ADTRP: variants seen among roughly 807,000 people sequenced by gnomAD.
ADTRP encodes the protein androgen-dependent TFPI-regulating protein.
Under a neutral mutation model 27.0 loss-of-function variants are expected in ADTRP, and 20 were observed. That is an observed-to-expected ratio of 0.74 (90% CI 0.52 to 1.08). The LOEUF (loss-of-function observed/expected upper bound fraction) is 1.08. Among genes scored for constraint, ADTRP ranks in the 50% least tolerant of loss-of-function variants. The probability of loss-of-function intolerance (pLI) is 0.00; values close to 1 mark genes in which losing one functional copy is unlikely to be tolerated. For missense variants in ADTRP, 251 were observed against 275.0 expected, an observed-to-expected ratio of 0.91 and a Z score of 0.62; for synonymous variants, 101 against 105.2, an observed-to-expected ratio of 0.96 and a Z score of 0.25.
Position 11,766,392 on chromosome 6 carries a change from A to G in ADTRP, c.289-17T>C, listed in dbSNP as rs139192485. ...AAATACAAACTGGAAAATAAAACACAAAAAATAGCATCATTAGGCTTGTTT... is the reference window on the plus strand; with the variant it reads ...AAATACAAACTGGAAAATAAAACACGAAAAATAGCATCATTAGGCTTGTTT... On this transcript the variant is annotated splice_polypyrimidine_tract_variant and intron_variant, in intron 2 of 5. Coordinates refer to ENST00000414691, the MANE Select transcript of ADTRP (RefSeq NM_032744.4). 116 of 1,571,370 alleles carry G rather than the reference A, an allele frequency of 7.4e-5. 1 individual carries two copies. In the East Asian group the frequency reaches 2.5e-3, roughly 34 times the overall value.
intron 5 of ADTRP, 119 bp from the exon 6 acceptor site, chr6:11,714,631 A>C: frequency 8.7e-7 from 1 of 1,152,562 alleles, no homozygotes; most frequent in Non-Finnish European, 1.2e-6. Flanking sequence ...CACTTTTCCC[A>C]AGGTGACAAG....
Position 11,714,614 on chromosome 6 carries a change from TTGAACACACTTTTCCCAAG to T in ADTRP, c.659-121_659-103del, listed in dbSNP as rs1368676043. The T allele has an allele frequency of 3.3e-5, 44 of 1,322,342 alleles. 1 individual carries two copies. The Admixed American group carries it at 8.0e-4, about 24-fold the overall frequency. 81.9% of individuals were successfully genotyped at this position (1,322,342 alleles called of 1,614,324 possible). ...CACTCTGACTTGGGGCAGTGGAAAGTTGAACACACTTTTCCCAAGGTGACAAGATGCAGTTTAAGGAGTT... is the reference window on the plus strand; with the variant it reads ...CACTCTGACTTGGGGCAGTGGAAAGTGTGACAAGATGCAGTTTAAGGAGTT... On this transcript the variant is annotated intron_variant, in intron 5 of 5. Coordinates refer to ENST00000414691, the MANE Select transcript of ADTRP (RefSeq NM_032744.4).
intron 3 of ADTRP, among the ~76,000 whole-genome samples, chr6:11,746,606 CA>C (rs1762873675): frequency 6.6e-6 from 1 of 152,122 alleles, no homozygotes; most frequent in African/African-American, 2.4e-5. Flanking sequence ...ATAGGCAAAA[CA>C]AAAGCATTTT....
intron 3 of ADTRP, among the ~76,000 whole-genome samples, chr6:11,748,660 G>A (rs1762944059): frequency 6.6e-6 from 1 of 152,246 alleles, no homozygotes; most frequent in African/African-American, 2.4e-5. Context: ...CGTACTTCAT[G>A]GAAGGCAGTC....
intron 3 of ADTRP, among the ~76,000 whole-genome samples, chr6:11,746,095 C>CT (rs1049501603): frequency 2.6e-5 from 4 of 151,916 alleles, no homozygotes; most frequent in African/African-American, 9.7e-5. Context: ...CGTCCATGAA[C>CT]TTTTTTTTTC....
At chr6:11,754,170 C>T (rs1763139822) in intron 3 of ADTRP, among the ~76,000 whole-genome samples, 1 of 152,186 alleles carries the variant, frequency 6.6e-6, no homozygotes, top group Non-Finnish European at 1.5e-5. Context: ...GGCGGGTCCC[C>T]CTGTCTCTCA....
At chr6:11,724,576 G>C (rs141374780) in intron 4 of ADTRP, among the ~76,000 whole-genome samples, 1 of 152,304 alleles carries the variant, frequency 6.6e-6, no homozygotes, top group African/African-American at 2.4e-5. Context: ...GCCAAAGTCT[G>C]AAATAACTTT....
intron 1 of ADTRP, among the ~76,000 whole-genome samples, chr6:11,771,284 G>T (rs957692932): frequency 6.6e-6 from 1 of 152,202 alleles, no homozygotes; most frequent in African/African-American, 2.4e-5. Context: ...CAGCCCTGTC[G>T]CCATCGAGCT....
chr6:11,748,989 T>C (rs1355480964), intron 3 of ADTRP, among the ~76,000 whole-genome samples: 1 of 152,172 alleles, frequency 6.6e-6, no homozygotes. Context: ...AAAAGGGAAA[T>C]AACATTTTGC....
chr6:11,768,209 C>T, intron 2 of ADTRP, 40 bp downstream of exon 2: 2 of 1,610,764 alleles, frequency 1.2e-6, no homozygotes, highest in Non-Finnish European at 1.7e-6. Flanking sequence ...TGTCCATATG[C>T]ACATTTCTGT....
chr6:11,722,231 T>G (rs1762044161), intron 5 of ADTRP, among the ~76,000 whole-genome samples: 1 of 152,200 alleles, frequency 6.6e-6, no homozygotes, highest in South Asian at 2.1e-4. Flanking sequence ...AAAGAGAATT[T>G]TGCCCTTGAG....
chr6:11,716,658 T>C (rs970627916), intron 5 of ADTRP, among the ~76,000 whole-genome samples: 4 of 152,150 alleles, frequency 2.6e-5, no homozygotes, highest in African/African-American at 9.7e-5. Context: ...CTAAGCAGTT[T>C]GTAGGCTTCT....
chr6:11,749,418 T>C (rs994316797), intron 3 of ADTRP, among the ~76,000 whole-genome samples: 1 of 152,136 alleles, frequency 6.6e-6, no homozygotes, highest in Non-Finnish European at 1.5e-5. Context: ...CAGCTAGCTA[T>C]GCAAATCTGG....
intron 5 of ADTRP, among the ~76,000 whole-genome samples, chr6:11,716,701 T>TTTTTTCTTTTAC (rs1561736803): frequency 1.2e-4 from 17 of 136,152 alleles, no homozygotes; most frequent in Admixed American, 3.1e-4. Flanking sequence ...TGACCATGCT[T>TTTTTTCTTTTAC]TTTTTCTTTT....
Position 11,723,353 on chromosome 6 carries a change from T to C in ADTRP, c.654A>G (p.Lys218=). The change falls in exon 5 of 6, where the codon AAA becomes AAG. Residue 218 remains lysine, a synonymous_variant. Transcript: ENST00000414691. ...YLLGEKLNHW[K]WGDMRQPRKK... ...CTAAGAAAGAAATACACTGACCCCA[T>C]TTCCAGTGGTTGAGCTTCTCTCCAA... 1.2e-6 allele frequency: 2 copies of C among 1,614,042 alleles called. No homozygotes were observed. Among genetic ancestry groups the C allele is most frequent in the Non-Finnish European group, 1.7e-6 (2 of 1,179,988 alleles).
intron 3 of ADTRP, among the ~76,000 whole-genome samples, chr6:11,760,574 C>A (rs9368867): frequency 0.4 from 61,299 of 151,870 alleles, 13,387 homozygotes; most frequent in East Asian, 0.71. Flanking sequence ...ACCATAACTA[C>A]CCCCTAGGTG....
intron 5 of ADTRP, among the ~76,000 whole-genome samples, chr6:11,720,475 C>CCT (rs397749112): frequency 9.3e-4 from 138 of 148,816 alleles, no homozygotes; most frequent in Non-Finnish European, 1.2e-3. Context: ...GGGATATACC[C>CCT]TTTTCTTTTT....
intron 3 of ADTRP, among the ~76,000 whole-genome samples, chr6:11,740,430 T>G (rs1762679173): frequency 6.6e-6 from 1 of 152,172 alleles, no homozygotes; most frequent in South Asian, 2.1e-4. Context: ...CAAAATCTCT[T>G]TGGGGAAAAC....
At chr6:11,775,462 T>C (rs1581377128) in intron 1 of ADTRP, among the ~76,000 whole-genome samples, 1 of 151,924 alleles carries the variant, frequency 6.6e-6, no homozygotes, top group Non-Finnish European at 1.5e-5. Flanking sequence ...CAGTAAGCAG[T>C]GGGACTGAGG....
Sources: gnomAD v4.1 joint callset for allele counts (sites outside exome capture counted in the v4.1 genomes callset) on GRCh38, gnomAD v4.1.1 for gene constraint, MANE v1.5 for transcripts, NCBI Gene and HGNC (gene_info 2026-07-23, HGNC 2026-07-21) for gene names.